The following ABCB7 variants were observed in gnomAD, a reference collection of about 807,000 sequenced individuals.
ABCB7 encodes the protein iron-sulfur clusters transporter ABCB7, mitochondrial.
Under a neutral mutation model 54.4 loss-of-function variants are expected in ABCB7, and 7 were observed. The observed-to-expected ratio is 0.13, with a 90% CI of 0.07 to 0.24. ABCB7 has a LOEUF of 0.24. ABCB7 is among the 10% of genes least tolerant of loss of function. The pLI is 1.00. For synonymous variants in ABCB7, 218 were observed against 207.1 expected (o/e 1.05, Z -0.45); for missense variants, 356 against 570.4 (o/e 0.62, Z 3.83).
intron 1 of ABCB7, among the ~76,000 whole-genome samples, chrX:75,139,633 T>C (rs1043811337): frequency 8.9e-5 from 10 of 112,401 alleles, no homozygotes; most frequent in African/African-American, 3.2e-4. Context: ...TATTGAATTA[T>C]TCTATATACT....
intron 1 of ABCB7, among the ~76,000 whole-genome samples, chrX:75,140,765 C>T (rs1047224957): frequency 9.0e-6 from 1 of 110,910 alleles, no homozygotes; most frequent in African/African-American, 3.3e-5. Context: ...ACTTTCTGAC[C>T]TTGTTCTGAT....
At chrX:75,155,846 C>T (rs1204978500) in intron 1 of ABCB7, among the ~76,000 whole-genome samples, 2 of 111,302 alleles carry the variant, frequency 1.8e-5, no homozygotes, top group Non-Finnish European at 3.8e-5. Flanking sequence ...GAGAGAAAAA[C>T]TATGACTCCG....
In ABCB7 at chrX:75,142,350, A is replaced by G. The variant is rs1046732665; in HGVS notation, c.168+13755T>C. Among the ~76,000 whole-genome samples the G allele has an allele frequency of 3.6e-5, 4 of 112,101 alleles. No homozygotes were observed. The Admixed American group carries it at 3.8e-4, about 11-fold the overall frequency. ...TTGTTTTAGAAATAATGACAAGGGAAAAAAGTCTGTAAATATTCAGTAGAT... is the reference window on the plus strand; with the variant it reads ...TTGTTTTAGAAATAATGACAAGGGAGAAAAGTCTGTAAATATTCAGTAGAT... On this transcript the variant is annotated intron_variant, in intron 1 of 15. Coordinates refer to ENST00000373394, the MANE Select transcript of ABCB7 (RefSeq NM_001271696.3).
chrX:75,099,525 G>C (rs2081621224), intron 3 of ABCB7, among the ~76,000 whole-genome samples: 1 of 111,249 alleles, frequency 9.0e-6, no homozygotes, highest in South Asian at 3.8e-4. Flanking sequence ...ACTCCTTTTA[G>C]GAAAGCAGAG....
chrX:75,124,637 C>T (rs1233386235), intron 1 of ABCB7, among the ~76,000 whole-genome samples: 5 of 111,281 alleles, frequency 4.5e-5, no homozygotes, highest in Admixed American at 2.9e-4. Context: ...AATTTGGGGA[C>T]GAATGTACAA....
At chrX:75,152,551 A>T (rs2082139116) in intron 1 of ABCB7, among the ~76,000 whole-genome samples, 1 of 112,602 alleles carries the variant, frequency 8.9e-6, no homozygotes, top group South Asian at 3.6e-4. Context: ...TCTCATATGC[A>T]CATTAAATCC....
rs1048193208 is a variant in ABCB7, at chrX:75,069,226, A to G, written c.1529+65T>C. 4.2e-6 allele frequency: 5 copies of G among 1,201,416 alleles called. No homozygotes were observed. The Admixed American group carries it at 1.1e-4, about 26-fold the overall frequency. ...CCACAGTAATCATTTTGATAAAGAA[A>G]GAAATATTACATTGGGAATCATCAG... is the stretch of plus-strand genomic sequence containing the variant. On this transcript the variant is annotated intron_variant, in intron 11 of 15. Coordinates refer to ENST00000373394, the MANE Select transcript of ABCB7 (RefSeq NM_001271696.3).
At chrX:75,137,935 C>A (rs1292024723) in intron 1 of ABCB7, among the ~76,000 whole-genome samples, 2 of 111,108 alleles carry the variant, frequency 1.8e-5, no homozygotes, top group Non-Finnish European at 3.8e-5. Context: ...TGCTAATTAC[C>A]TGGGTGACAA....
Position 75,102,022 on chromosome X carries a change from C to T in ABCB7, c.334-2961G>A, listed in dbSNP as rs1005984520. The stretch of plus-strand genomic sequence containing the variant: ...TGCATTTTTTTAACTGGAGACCAAA[C>T]CAAAGAGGCATTTCAGAGTCCGAGG... On this transcript the variant is annotated intron_variant, in intron 3 of 15. Transcript: ENST00000373394. 2.7e-5 allele frequency among the ~76,000 whole-genome samples: 3 copies of T among 111,179 alleles called. No individual in the cohort carries two copies. The Admixed American group carries it at 2.9e-4, about 11-fold the overall frequency.
rs375315942 is a variant in ABCB7, at chrX:75,156,201, G to C, written c.72C>G (p.Ser24=). 14 of 1,205,614 alleles carry C rather than the reference G, an allele frequency of 1.2e-5. No homozygotes were observed. The highest frequency in any genetic ancestry group is 1.5e-5 in the Non-Finnish European group (13 of 892,407). Residue 24 remains serine (S), a synonymous_variant, in exon 1 of 16, where the codon TCC becomes TCG. Coordinates refer to ENST00000373394, the MANE Select transcript of ABCB7 (RefSeq NM_001271696.3). ...AGACTAAAGGCCGGATCAGAATCGC[G>C]GAGTGCCGGCGCTTTTCGAAAGCAG... The part of the protein sequence containing the change: ...AAAAFEKRRH[S]AILIRPLVSV...
chrX:75,104,711 C>T (rs182482679), intron 3 of ABCB7, among the ~76,000 whole-genome samples: 454 of 111,052 alleles, frequency 4.1e-3, no homozygotes, highest in Non-Finnish European at 6.9e-3. Flanking sequence ...CAGCATTACC[C>T]TAAAACCAAA....
At position 75,053,593 on chromosome X, in the gene ABCB7, G is replaced by A. The variant is rs778556688; in HGVS notation, c.2044-8C>T. On this transcript the variant is annotated splice_region_variant and splice_polypyrimidine_tract_variant and intron_variant, in intron 15 of 15. Coordinates refer to ENST00000373394, the MANE Select transcript of ABCB7 (RefSeq NM_001271696.3). ...ACGTTCGGCTACCTTACCCTAAAAA[G>A]TAAACACATGAGAAACACGGAGAAA... 5.7e-5 allele frequency: 67 copies of A among 1,173,332 alleles called. No homozygotes were observed. Among genetic ancestry groups the A allele is most frequent in the Non-Finnish European group, 7.4e-5 (65 of 874,824 alleles).
intron 1 of ABCB7, among the ~76,000 whole-genome samples, chrX:75,136,603 G>A (rs1307065991): frequency 2.7e-5 from 3 of 110,964 alleles, no homozygotes; most frequent in Non-Finnish European, 5.7e-5. Flanking sequence ...AAAGCTGGAG[G>A]CATGGAGGCA....
At chrX:75,122,198 A>C (rs2081884491) in intron 1 of ABCB7, among the ~76,000 whole-genome samples, 1 of 111,635 alleles carries the variant, frequency 9.0e-6, no homozygotes, top group Admixed American at 9.5e-5. Flanking sequence ...TAGATGATAA[A>C]ACAGATTGCA....
At chrX:75,069,994 C>A (rs1269597579) in intron 10 of ABCB7, among the ~76,000 whole-genome samples, 1 of 110,869 alleles carries the variant, frequency 9.0e-6, no homozygotes, top group African/African-American at 3.3e-5. Flanking sequence ...CCTGACTCAG[C>A]CTCCCGAGTA....
chrX:75,056,291 T>C (rs1157744855), intron 15 of ABCB7, among the ~76,000 whole-genome samples: 1 of 112,052 alleles, frequency 8.9e-6, no homozygotes, highest in African/African-American at 3.2e-5. Context: ...AGTGTGATTT[T>C]CTGAATTTGT....
intron 1 of ABCB7, among the ~76,000 whole-genome samples, chrX:75,132,275 G>A (rs1306418892): frequency 8.9e-6 from 1 of 111,863 alleles, no homozygotes; most frequent in African/African-American, 3.3e-5. Context: ...CTCCTATGAA[G>A]AAGAGGCCAC....
chrX:75,119,692 G>A (rs1178530680), intron 1 of ABCB7, among the ~76,000 whole-genome samples: 1 of 111,722 alleles, frequency 9.0e-6, no homozygotes, highest in African/African-American at 3.3e-5. Flanking sequence ...TCTTTGGGCT[G>A]TATTTATATA....
intron 9 of ABCB7, among the ~76,000 whole-genome samples, chrX:75,071,151 T>TA (rs974492515): frequency 6.4e-5 from 7 of 109,313 alleles, no homozygotes; most frequent in African/African-American, 2.3e-4. Context: ...TGGTAATTCT[T>TA]AAAAAAAAGA....
Sources: allele counts gnomAD v4.1 joint callset (sites outside exome capture counted in the v4.1 genomes callset), GRCh38; gene constraint gnomAD v4.1.1; transcripts MANE v1.5; gene names NCBI Gene and HGNC (gene_info 2026-07-23, HGNC 2026-07-21).